Variants in RBFOX1 observed in about 807,000 individuals in gnomAD.
RBFOX1 encodes the protein RNA binding fox-1 homolog 1.
RBFOX1 carries 8 observed loss-of-function variants against 57.7 expected under a neutral mutation model. That is an observed-to-expected ratio of 0.14 (90% CI 0.08 to 0.25). RBFOX1 has a LOEUF of 0.25. RBFOX1 is among the 10% of genes least tolerant of loss of function. The probability of loss-of-function intolerance (pLI) is 1.00; values close to 1 mark genes in which losing one functional copy is unlikely to be tolerated. For missense variants in RBFOX1, 611 were observed against 548.5 expected, an observed-to-expected ratio of 1.11 and a Z score of -1.14; for synonymous variants, 326 against 222.4, an observed-to-expected ratio of 1.47 and a Z score of -4.15.
chr16:5,685,114 A>C (rs2050465548), intron 3 of RBFOX1, among the ~76,000 whole-genome samples: 1 of 152,216 alleles, frequency 6.6e-6, no homozygotes, highest in Non-Finnish European at 1.5e-5. Flanking sequence ...AAAAGAAGCA[A>C]GGGTGTTACT....
chr16:7,239,864 G>A (rs1478892913), intron 4 of RBFOX1, among the ~76,000 whole-genome samples: 1 of 149,034 alleles, frequency 6.7e-6, no homozygotes, highest in Admixed American at 6.7e-5. Flanking sequence ...CTTGAAAACT[G>A]GGCCCATAGA....
chr16:6,566,995 T>G (rs1479724951), intron 2 of RBFOX1, among the ~76,000 whole-genome samples: 1 of 152,212 alleles, frequency 6.6e-6, no homozygotes, highest in Non-Finnish European at 1.5e-5. Flanking sequence ...CAGCTTAAAT[T>G]GTGTTCTAGG....
intron 3 of RBFOX1, among the ~76,000 whole-genome samples, chr16:6,799,648 C>G (rs2084895493): frequency 1.3e-5 from 2 of 152,288 alleles, no homozygotes; most frequent in South Asian, 2.1e-4. Context: ...GCCAGTACAG[C>G]TCGTATAAAG....
chr16:5,416,382 T>G (rs958606036), intron 1 of RBFOX1, among the ~76,000 whole-genome samples: 1 of 152,186 alleles, frequency 6.6e-6, no homozygotes, highest in Non-Finnish European at 1.5e-5. Flanking sequence ...ATATCTATCT[T>G]TCCTTTTTTG....
At chr16:6,406,573 C>T (rs975943790) in intron 2 of RBFOX1, among the ~76,000 whole-genome samples, 3 of 147,566 alleles carry the variant, frequency 2.0e-5, no homozygotes, top group Admixed American at 6.7e-5. Context: ...TTTTGGAAGT[C>T]GAACATTTTT....
Position 7,146,709 on chromosome 16 carries a change from G to A in RBFOX1, c.27+94611G>A, listed in dbSNP as rs545972703. 3.4e-4 allele frequency among the ~76,000 whole-genome samples: 51 copies of A among 152,000 alleles called. No homozygotes were observed. The East Asian group carries it at 6.7e-3, about 20-fold the overall frequency. On this transcript the variant is annotated intron_variant, in intron 4 of 15. Coordinates refer to ENST00000550418, the MANE Select transcript of RBFOX1 (RefSeq NM_018723.4). Reference sequence around the variant, plus strand: ...CATGCCTGCAATCCTGGCAGTTTGCGAGGCTGAGGCAGACAGATCACTTGA... The same window carrying A: ...CATGCCTGCAATCCTGGCAGTTTGCAAGGCTGAGGCAGACAGATCACTTGA...
intron 3 of RBFOX1, among the ~76,000 whole-genome samples, chr16:5,641,174 C>G (rs1432987695): frequency 6.6e-6 from 1 of 151,418 alleles, no homozygotes; most frequent in Non-Finnish European, 1.5e-5. Flanking sequence ...CACATGCACA[C>G]CATGGATACA....
chr16:6,621,980 T>C (rs1006409858), intron 2 of RBFOX1, among the ~76,000 whole-genome samples: 22 of 152,160 alleles, frequency 1.4e-4, no homozygotes, highest in African/African-American at 5.1e-4. Flanking sequence ...TAATTGCTGC[T>C]AGGTTCGTGT....
intron 3 of RBFOX1, among the ~76,000 whole-genome samples, chr16:6,974,661 T>G (rs902980839): frequency 1.2e-4 from 18 of 152,066 alleles, no homozygotes; most frequent in Admixed American, 3.3e-4. Flanking sequence ...TCATATTCTT[T>G]ATTTGCATTT....
chr16:7,350,104 G>C (rs1478431621), intron 4 of RBFOX1, among the ~76,000 whole-genome samples: 1 of 152,100 alleles, frequency 6.6e-6, no homozygotes, highest in Non-Finnish European at 1.5e-5. Context: ...CCGAGATCAG[G>C]CCACTGTACT....
At chr16:5,978,820 G>A (rs550052649) in intron 4 of RBFOX1, among the ~76,000 whole-genome samples, 5 of 152,042 alleles carry the variant, frequency 3.3e-5, no homozygotes, top group Non-Finnish European at 7.4e-5. Flanking sequence ...GAACAACACT[G>A]CAGAAGTGAA....
intron 1 of RBFOX1, among the ~76,000 whole-genome samples, chr16:5,425,016 TCTTG>T (rs1483522584): frequency 1.4e-5 from 2 of 144,172 alleles, no homozygotes; most frequent in Non-Finnish European, 3.0e-5. Context: ...TTCTTTTCTT[TCTTG>T]ATTCCTCCCT....
At chr16:5,827,684 C>T (rs937881548) in intron 3 of RBFOX1, among the ~76,000 whole-genome samples, 3 of 152,160 alleles carry the variant, frequency 2.0e-5, no homozygotes, top group Non-Finnish European at 4.4e-5. Context: ...TTTTAGATGG[C>T]AACCCCTGCT....
intron 1 of RBFOX1, among the ~76,000 whole-genome samples, chr16:5,254,822 C>G (rs2062543364): frequency 6.6e-6 from 1 of 152,152 alleles, no homozygotes; most frequent in South Asian, 2.1e-4. Flanking sequence ...GGAAGAAGGG[C>G]TGACCTGGAG....
At chr16:7,531,192 C>A (rs540452998) in intron 5 of RBFOX1, among the ~76,000 whole-genome samples, 4 of 152,080 alleles carry the variant, frequency 2.6e-5, no homozygotes, top group African/African-American at 9.6e-5. Flanking sequence ...TATGGGCTGC[C>A]CTGATCTTTT....
intron 2 of RBFOX1, among the ~76,000 whole-genome samples, chr16:6,520,741 G>C (rs941740774): frequency 6.6e-6 from 1 of 152,138 alleles, no homozygotes; most frequent in Non-Finnish European, 1.5e-5. Flanking sequence ...AAGTGGCTTC[G>C]TTTCGATCAA....
intron 3 of RBFOX1, among the ~76,000 whole-genome samples, chr16:7,008,050 G>T (rs1214893303): frequency 6.6e-6 from 1 of 152,138 alleles, no homozygotes; most frequent in East Asian, 1.9e-4. Context: ...TCTATATTCA[G>T]TTGAGAGCAA....
At chr16:5,879,405 A>G (rs2057704401) in intron 4 of RBFOX1, among the ~76,000 whole-genome samples, 2 of 152,132 alleles carry the variant, frequency 1.3e-5, no homozygotes, top group African/African-American at 4.8e-5. Context: ...TGTCTCATGA[A>G]CTGCAACCTC....
In RBFOX1 at chr16:7,186,994, C is replaced by CAAAAAAAAAAA. The variant is rs35177784; in HGVS notation, c.27+134910_27+134920dup. On this transcript the variant is annotated intron_variant, in intron 4 of 15. Coordinates refer to ENST00000550418, the MANE Select transcript of RBFOX1 (RefSeq NM_018723.4). The stretch of plus-strand genomic sequence containing the variant: ...GCAACATGAGGAAACCCCACCTCCA[C>CAAAAAAAAAAA]AAAAAAAAAAAAAAAAAAAAAAAAT... 4.2e-4 allele frequency among the ~76,000 whole-genome samples: 29 copies of CAAAAAAAAAAA among 69,262 alleles called. 1 individual carries two copies. Among genetic ancestry groups the CAAAAAAAAAAA allele is most frequent in the African/African-American group, 1.9e-3 (29 of 15,650 alleles). The allele number at this position is 69,262 out of a possible 152,430, so 45.4% of individuals were successfully genotyped here.
Sources: allele counts gnomAD v4.1 joint callset (sites outside exome capture counted in the v4.1 genomes callset), GRCh38; gene constraint gnomAD v4.1.1; transcripts MANE v1.5; gene names NCBI Gene and HGNC (gene_info 2026-07-23, HGNC 2026-07-21).